KIAA0825: variants seen among roughly 807,000 people sequenced by gnomAD.
KIAA0825 encodes the protein uncharacterized protein KIAA0825.
Under a neutral mutation model 147.6 loss-of-function variants are expected in KIAA0825, and 119 were observed. That is an observed-to-expected ratio of 0.81 (90% CI 0.69 to 0.94). KIAA0825 has a LOEUF of 0.94. KIAA0825 is among the 40% of genes least tolerant of loss of function. The pLI is 0.00. For synonymous variants in KIAA0825, 470 were observed against 518.1 expected, an observed-to-expected ratio of 0.91 and a Z score of 1.26; for missense variants, 1,381 against 1,472.7, an observed-to-expected ratio of 0.94 and a Z score of 1.02.
At chr5:94,199,088 G>A (rs1340800273) in intron 20 of KIAA0825, among the ~76,000 whole-genome samples, 1 of 152,142 alleles carries the variant, frequency 6.6e-6, no homozygotes, top group East Asian at 1.9e-4. Context: ...TGGGGAGCTA[G>A]TATGATCATT....
chr5:94,437,808 C>A (rs1756564527), intron 14 of KIAA0825, among the ~76,000 whole-genome samples: 1 of 152,184 alleles, frequency 6.6e-6, no homozygotes, highest in Non-Finnish European at 1.5e-5. Context: ...AAGTAACTCT[C>A]AGCTTTGTTA....
At chr5:94,579,359 G>A (rs1442478734) in intron 2 of KIAA0825, among the ~76,000 whole-genome samples, 1 of 152,172 alleles carries the variant, frequency 6.6e-6, no homozygotes, top group African/African-American at 2.4e-5. Flanking sequence ...TCCATAGATA[G>A]TACATAGAGC....
At chr5:94,289,043 G>A (rs1050487740) in intron 20 of KIAA0825, among the ~76,000 whole-genome samples, 1 of 152,092 alleles carries the variant, frequency 6.6e-6, no homozygotes, top group African/African-American at 2.4e-5. Flanking sequence ...TGGAATTTAA[G>A]GCCCAAGTAC....
chr5:94,226,738 A>C (rs1180301146), intron 20 of KIAA0825, among the ~76,000 whole-genome samples: 1 of 152,118 alleles, frequency 6.6e-6, no homozygotes, highest in African/African-American at 2.4e-5. Context: ...TGGGCAAAGG[A>C]CATGAACAGA....
intron 20 of KIAA0825, among the ~76,000 whole-genome samples, chr5:94,290,620 A>G (rs1225306201): frequency 2.0e-5 from 3 of 152,206 alleles, no homozygotes; most frequent in Non-Finnish European, 4.4e-5. Context: ...TTATAATAGA[A>G]TGATTTATAA....
chr5:94,289,924 T>TAA (rs11312776), intron 20 of KIAA0825, among the ~76,000 whole-genome samples: 4 of 138,266 alleles, frequency 2.9e-5, no homozygotes, highest in Non-Finnish European at 3.1e-5. Flanking sequence ...GTGTGTGCTG[T>TAA]AAAAAAAAAA....
intron 14 of KIAA0825, among the ~76,000 whole-genome samples, chr5:94,435,018 A>G (rs1756155759): frequency 6.6e-6 from 1 of 152,212 alleles, no homozygotes; most frequent in Admixed American, 6.6e-5. Flanking sequence ...GTTTTAAAAA[A>G]TGTAATAAAT....
chr5:94,396,543 A>C (rs1431723484), intron 16 of KIAA0825, 34 bp from the exon 17 acceptor site: 1 of 1,448,778 alleles, frequency 6.9e-7, no homozygotes, highest in Non-Finnish European at 9.1e-7. Flanking sequence ...GATTAATATT[A>C]GCATTTGCGT....
At chr5:94,474,861 G>A (rs1039691089) in intron 7 of KIAA0825, among the ~76,000 whole-genome samples, 2 of 152,146 alleles carry the variant, frequency 1.3e-5, no homozygotes, top group Non-Finnish European at 2.9e-5. Context: ...GCCAAGGCGA[G>A]CAGACCACTT....
intron 2 of KIAA0825, among the ~76,000 whole-genome samples, chr5:94,580,005 T>A (rs1225196597): frequency 6.6e-6 from 1 of 152,166 alleles, no homozygotes; most frequent in Non-Finnish European, 1.5e-5. Context: ...TTATCAAAAA[T>A]GTGGTGATTT....
At chr5:94,170,123 C>T (rs1378110672) in intron 20 of KIAA0825, among the ~76,000 whole-genome samples, 1 of 152,086 alleles carries the variant, frequency 6.6e-6, no homozygotes, top group Non-Finnish European at 1.5e-5. Flanking sequence ...CACGGTGAAA[C>T]CCCGTCTCTA....
At chr5:94,299,774 G>T (rs1178988151) in intron 20 of KIAA0825, among the ~76,000 whole-genome samples, 3 of 152,110 alleles carry the variant, frequency 2.0e-5, no homozygotes, top group Admixed American at 2.0e-4. Flanking sequence ...ATATGTTAGA[G>T]CAAGGAACAG....
chr5:94,365,651 A>G (rs968716550), intron 20 of KIAA0825, among the ~76,000 whole-genome samples: 2 of 152,170 alleles, frequency 1.3e-5, no homozygotes, highest in African/African-American at 4.8e-5. Context: ...CTAACCTTCA[A>G]GCTGTCCTTG....
chr5:94,505,882 C>A (rs878952435), intron 5 of KIAA0825, among the ~76,000 whole-genome samples: 1 of 152,080 alleles, frequency 6.6e-6, no homozygotes, highest in South Asian at 2.1e-4. Context: ...GAGGTTCTGT[C>A]CTCTTAGCAC....
chr5:94,396,244 A>G lies in KIAA0825; in HGVS notation c.3153T>C (p.Ile1051=), dbSNP rs760183494. Residue 1051 remains isoleucine, a synonymous_variant, in exon 17 of 21, where the codon ATT becomes ATC. Coordinates refer to ENST00000682413, the MANE Select transcript of KIAA0825 (RefSeq NM_001145678.3). ...DRWSKEKLGL[I]CMCLKSIMGD... Reference sequence around the variant, plus strand: ...CCATGATGCTTTTCAAACACATACAAATTAAACCCAATTTTTCTTTACTCC... The same window carrying G: ...CCATGATGCTTTTCAAACACATACAGATTAAACCCAATTTTTCTTTACTCC... 16 of 1,551,518 alleles carry G rather than the reference A, an allele frequency of 1.0e-5. No homozygotes were observed. Among genetic ancestry groups the G allele is most frequent in the African/African-American group, 2.7e-5 (2 of 73,020 alleles).
intron 20 of KIAA0825, among the ~76,000 whole-genome samples, chr5:94,202,979 T>C (rs1006391736): frequency 1.3e-5 from 2 of 152,204 alleles, no homozygotes; most frequent in African/African-American, 4.8e-5. Context: ...TTGGCTTTCT[T>C]AGAACTGTAC....
chr5:94,589,437 C>T (rs775482854), intron 1 of KIAA0825, among the ~76,000 whole-genome samples: 22 of 152,156 alleles, frequency 1.4e-4, no homozygotes, highest in Non-Finnish European at 2.2e-4. Context: ...GTGTTTGACC[C>T]TCCTCACCAA....
chr5:94,520,233 T>G lies in KIAA0825; in HGVS notation c.970+15A>C, dbSNP rs200109174. 1 of 1,550,772 alleles carries G rather than the reference T, an allele frequency of 6.4e-7. No individual in the cohort carries two copies. Among genetic ancestry groups the G allele is most frequent in the East Asian group, 2.3e-5 (1 of 44,250 alleles). On this transcript the variant is annotated intron_variant, in intron 5 of 20. Transcript: ENST00000682413. The stretch of plus-strand genomic sequence containing the variant: ...ACTTAAGTTAAACCAAACAAAAATT[T>G]TAAATGTCACTAACCCAAAGCATGC...
intron 2 of KIAA0825, among the ~76,000 whole-genome samples, chr5:94,564,457 A>AGT (rs372092487): frequency 1.9e-3 from 28 of 14,976 alleles, no homozygotes; most frequent in African/African-American, 4.3e-3. Flanking sequence ...CTTATTTTTG[A>AGT]GTGTGTGTGT....
Sources: allele counts gnomAD v4.1 joint callset (sites outside exome capture counted in the v4.1 genomes callset), GRCh38; gene constraint gnomAD v4.1.1; transcripts MANE v1.5; gene names NCBI Gene and HGNC (gene_info 2026-07-23, HGNC 2026-07-21).